SCYL3: variants seen among roughly 807,000 people sequenced by gnomAD.
SCYL3 encodes the protein SCY1 like pseudokinase 3.
SCYL3 carries 35 observed loss-of-function variants against 73.8 expected under a neutral mutation model. That is an observed-to-expected ratio of 0.47 (90% CI 0.36 to 0.63). The LOEUF is 0.63. Ranked by LOEUF, SCYL3 falls within the 20% of genes least tolerant of loss-of-function variation. The pLI is 0.00. For missense variants in SCYL3, 712 were observed against 798.9 expected (o/e 0.89, Z 1.31); for synonymous variants, 277 against 295.2 (o/e 0.94, Z 0.63).
intron 3 of SCYL3, among the ~76,000 whole-genome samples, chr1:169,877,138 A>G (rs1046285200): frequency 1.3e-5 from 2 of 152,120 alleles, no homozygotes; most frequent in Admixed American, 6.5e-5. Flanking sequence ...ATAAAAAAGT[A>G]TGTTTAAAGT....
At chr1:169,861,523 C>A (rs1436608536) in intron 10 of SCYL3, among the ~76,000 whole-genome samples, 1 of 152,188 alleles carries the variant, frequency 6.6e-6, no homozygotes, top group African/African-American at 2.4e-5. Flanking sequence ...CCCCAGATGA[C>A]TGAAGACTCA....
Position 169,888,814 on chromosome 1 carries a change from C to G in SCYL3, c.27G>C (p.Lys9Asn). 1.2e-6 allele frequency: 2 copies of G among 1,612,962 alleles called. No homozygotes were observed. MGSENSALKSYTLREPPFT... is the reference protein window; with the variant it reads MGSENSALNSYTLREPPFT... ...ATGGTGGTTCTCTCAGTGTATAGCT[C>G]TTTAAAGCACTGTTCTCTGATCCCA... is the stretch of plus-strand genomic sequence containing the variant. Residue 9 changes from lysine to asparagine, a missense_variant, in exon 2 of 13, where the codon AAG becomes AAC. Transcript: ENST00000367771.
At chr1:169,876,970 A>T (rs1660888397) in intron 3 of SCYL3, among the ~76,000 whole-genome samples, 1 of 148,156 alleles carries the variant, frequency 6.7e-6, no homozygotes, top group South Asian at 2.1e-4. Flanking sequence ...AAAAAAAAAA[A>T]AAAAAAAAAA....
intron 1 of SCYL3, among the ~76,000 whole-genome samples, chr1:169,892,780 G>A (rs969661490): frequency 6.6e-6 from 1 of 152,160 alleles, no homozygotes; most frequent in African/African-American, 2.4e-5. Flanking sequence ...CTAGGTCAAA[G>A]GGCAACTCAT....
chr1:169,853,832 C>G, intron 12 of SCYL3, 60 bp from the exon 13 acceptor site: 1 of 1,580,512 alleles, frequency 6.3e-7, no homozygotes, highest in South Asian at 1.1e-5. Context: ...AAAAATCATA[C>G]GCAAATTTGA....
chr1:169,877,832 G>A (rs1269900064), intron 3 of SCYL3, among the ~76,000 whole-genome samples: 4 of 152,130 alleles, frequency 2.6e-5, no homozygotes, highest in South Asian at 2.1e-4. Context: ...GTTATCATGC[G>A]AACTTGTAAA....
At chr1:169,862,446 G>C (rs1436032064) in intron 10 of SCYL3, among the ~76,000 whole-genome samples, 167 bp downstream of exon 10, 1 of 152,176 alleles carries the variant, frequency 6.6e-6, no homozygotes, top group African/African-American at 2.4e-5. Flanking sequence ...TAATCAATTT[G>C]CCTGTGTGAA....
Position 169,873,739 on chromosome 1 carries a change from AT to A in SCYL3, c.478del (p.Ile160PhefsTer4). 6.2e-7 allele frequency: 1 copy of A among 1,603,732 alleles called. No individual in the cohort carries two copies. ...AGATGCTGGGTCTCTTATTGACTGA[AT>A]ACTCCTCAGAAACTAGACAGAGAAA... Reference protein sequence around the residue: ...SQATPEFLRSIQSIRDPASIP... With the variant: ...SQATPEFLRSXQSIRDPASIP... On this transcript the variant is annotated frameshift_variant, in exon 5 of 13. Coordinates refer to ENST00000367771, the MANE Select transcript of SCYL3 (RefSeq NM_020423.7). LOFTEE classifies it high-confidence loss of function.
intron 5 of SCYL3, among the ~76,000 whole-genome samples, chr1:169,871,901 C>T (rs1022066943): frequency 9.2e-5 from 14 of 152,190 alleles, no homozygotes; most frequent in Non-Finnish European, 1.8e-4. Context: ...AGCAGCAGAG[C>T]ATTCAAGAGG....
At chr1:169,879,281 CAAAG>C (rs2102193069) in intron 2 of SCYL3, among the ~76,000 whole-genome samples, 1 of 152,286 alleles carries the variant, frequency 6.6e-6, no homozygotes, top group East Asian at 1.9e-4. Context: ...AGCAGTGTAA[CAAAG>C]GTGCTAAAAG....
chr1:169,880,165 A>G (rs1395182658), intron 2 of SCYL3, among the ~76,000 whole-genome samples: 4 of 152,092 alleles, frequency 2.6e-5, no homozygotes, highest in African/African-American at 9.7e-5. Flanking sequence ...GACAATAACA[A>G]AAGGTCAAAT....
chr1:169,865,164 A>G (rs914458392), intron 8 of SCYL3, among the ~76,000 whole-genome samples: 5 of 152,324 alleles, frequency 3.3e-5, no homozygotes, highest in African/African-American at 9.6e-5. Context: ...GAAAGCTTCC[A>G]TAACTAACAA....
chr1:169,871,154 T>C (rs1443097361), intron 5 of SCYL3, among the ~76,000 whole-genome samples: 1 of 152,188 alleles, frequency 6.6e-6, no homozygotes, highest in East Asian at 1.9e-4. Context: ...CCATAATTAT[T>C]ATGGATTCCA....
At chr1:169,881,029 C>T (rs925348329) in intron 2 of SCYL3, among the ~76,000 whole-genome samples, 9 of 152,070 alleles carry the variant, frequency 5.9e-5, no homozygotes, top group South Asian at 2.1e-4. Flanking sequence ...CCCCAAGTGT[C>T]GGGATTACAG....
intron 4 of SCYL3, among the ~76,000 whole-genome samples, chr1:169,875,400 G>C (rs1262228615): frequency 6.6e-6 from 1 of 152,196 alleles, no homozygotes; most frequent in Non-Finnish European, 1.5e-5. Context: ...GAAACATGCA[G>C]AACTCTCAGA....
At chr1:169,874,827 T>C (rs1179416865) in intron 4 of SCYL3, among the ~76,000 whole-genome samples, 1 of 152,072 alleles carries the variant, frequency 6.6e-6, no homozygotes, top group African/African-American at 2.4e-5. Context: ...CTCAGGAGGC[T>C]GAGGTGGGAA....
At chr1:169,856,338 A>C (rs1659156008) in intron 11 of SCYL3, among the ~76,000 whole-genome samples, 1 of 152,262 alleles carries the variant, frequency 6.6e-6, no homozygotes, top group South Asian at 2.1e-4. Flanking sequence ...AAGAATATGA[A>C]TGTAGTGAAT....
chr1:169,886,147 C>A (rs1207604027), intron 2 of SCYL3, among the ~76,000 whole-genome samples: 1 of 152,132 alleles, frequency 6.6e-6, no homozygotes, highest in Non-Finnish European at 1.5e-5. Context: ...CCCACCTCTA[C>A]TAAAAATTCA....
At position 169,866,912 on chromosome 1, in the gene SCYL3, T is replaced by C; in HGVS notation, c.799A>G (p.Lys267Glu). 6.4e-7 allele frequency: 1 copy of C among 1,570,532 alleles called. No homozygotes were observed. The highest frequency in any genetic ancestry group is 8.7e-7 in the Non-Finnish European group (1 of 1,148,774). ...TGAACTTACTTAAAGAATTCCGTTT[T>C]CTCCTCTTCACTCTTCAATGTTAAA... ...KSLTLKSEEEKTEFFKFLLDR... is the reference protein window; with the variant it reads ...KSLTLKSEEEETEFFKFLLDR... Residue 267 changes from lysine (K) to glutamate (E), a missense_variant, in exon 8 of 13, where the codon AAA (lysine) becomes GAA (glutamate). Transcript: ENST00000367771.
Sources: allele counts gnomAD v4.1 joint callset (sites outside exome capture counted in the v4.1 genomes callset), GRCh38; gene constraint gnomAD v4.1.1; transcripts MANE v1.5; gene names NCBI Gene and HGNC (gene_info 2026-07-23, HGNC 2026-07-21).